LAMA2: variants seen among roughly 807,000 people sequenced by gnomAD.
LAMA2 encodes the protein laminin subunit alpha 2.
Under a neutral mutation model 364.8 loss-of-function variants are expected in LAMA2, and 269 were observed. The observed-to-expected ratio is 0.74, with a 90% CI of 0.67 to 0.82. The LOEUF is 0.82. Ranked by LOEUF, LAMA2 falls within the 40% of genes least tolerant of loss-of-function variation. The pLI, the probability that LAMA2 is intolerant of heterozygous loss-of-function variation, is 0.00. For synonymous variants in LAMA2, 1,379 were observed against 1,370.6 expected (o/e 1.01, Z -0.14); for missense variants, 3,807 against 3,873.2 (o/e 0.98, Z 0.45).
intron 1 of LAMA2, among the ~76,000 whole-genome samples, chr6:128,978,207 G>T (rs1445205540): frequency 6.6e-6 from 1 of 152,166 alleles, no homozygotes; most frequent in African/African-American, 2.4e-5. Context: ...TATTTGTAAT[G>T]AATCATTGAG....
intron 56 of LAMA2, among the ~76,000 whole-genome samples, chr6:129,489,626 A>AGT (rs1203967701): frequency 4.6e-5 from 7 of 152,214 alleles, no homozygotes; most frequent in African/African-American, 1.7e-4. Flanking sequence ...AAGGTCAGGA[A>AGT]GTAGGGTGAG....
At chr6:128,923,185 G>A (rs1185426619) in intron 1 of LAMA2, among the ~76,000 whole-genome samples, 49 of 146,100 alleles carry the variant, frequency 3.4e-4, no homozygotes, top group Admixed American at 1.0e-3. Flanking sequence ...TTGACTTGGC[G>A]ATGCGGGCTC....
chr6:128,994,826 TAATTC>T (rs1783826407), intron 1 of LAMA2, among the ~76,000 whole-genome samples: 1 of 152,110 alleles, frequency 6.6e-6, no homozygotes, highest in African/African-American at 2.4e-5. Flanking sequence ...TAATTAACAT[TAATTC>T]TATTATATTT....
At chr6:129,128,045 T>C (rs1212303976) in intron 4 of LAMA2, among the ~76,000 whole-genome samples, 3 of 152,214 alleles carry the variant, frequency 2.0e-5, no homozygotes, top group Non-Finnish European at 2.9e-5. Flanking sequence ...GCCTATACTT[T>C]GGGGGTCAAA....
rs532865161 is a variant in LAMA2 at position 128,954,601 on chromosome 6, C to A, written c.112+71244C>A. ...TGTTGGCATTTTTACATTATCGATTCCTTGATTCAATTTCTACTCTGTGCT... is the reference window on the plus strand; with the variant it reads ...TGTTGGCATTTTTACATTATCGATTACTTGATTCAATTTCTACTCTGTGCT... On this transcript the variant is annotated intron_variant, in intron 1 of 64. Coordinates refer to ENST00000421865, the MANE Select transcript of LAMA2 (RefSeq NM_000426.4). Among the ~76,000 whole-genome samples the A allele has an allele frequency of 2.0e-5, 3 of 151,942 alleles. No individual in the cohort carries two copies. The South Asian group carries it at 6.2e-4, about 32-fold the overall frequency.
intron 3 of LAMA2, among the ~76,000 whole-genome samples, chr6:129,094,189 T>C (rs1044084080): frequency 6.6e-6 from 1 of 152,238 alleles, no homozygotes; most frequent in African/African-American, 2.4e-5. Flanking sequence ...ATTTATTACA[T>C]TTTTAATAAT....
Position 129,270,658 on chromosome 6 carries a change from A to G in LAMA2, c.2357A>G (p.Asp786Gly). The change falls in exon 17 of 65, where the codon GAT becomes GGT. Residue 786 changes from aspartate (D) to glycine (G), a missense_variant. Physicochemically the swap from Asp to Gly is moderately conservative, Grantham distance 94. This residue lies in a region of LAMA2 where 3,333 missense variants were observed against 3,345.7 expected (regional missense o/e 1.00). Coordinates refer to ENST00000421865, the MANE Select transcript of LAMA2 (RefSeq NM_000426.4). ...GATCACACAGGTGGCCCATATTGTGATAAATGTCTTCCTGGTTTCTATGGC... is the reference window on the plus strand; with the variant it reads ...GATCACACAGGTGGCCCATATTGTGGTAAATGTCTTCCTGGTTTCTATGGC... Reference protein sequence around the residue: ...CKDHTGGPYCDKCLPGFYGEP... With the variant: ...CKDHTGGPYCGKCLPGFYGEP... 3.1e-6 allele frequency: 5 copies of G among 1,613,092 alleles called. No homozygotes were observed. Among genetic ancestry groups the G allele is most frequent in the Non-Finnish European group, 4.2e-6 (5 of 1,179,356 alleles).
chr6:129,405,700 A>G (rs1235613856), intron 40 of LAMA2, among the ~76,000 whole-genome samples: 1 of 152,190 alleles, frequency 6.6e-6, no homozygotes, highest in Non-Finnish European at 1.5e-5. Flanking sequence ...AGAATGAATA[A>G]AATTTTAGTT....
intron 45 of LAMA2, 37 bp downstream of exon 45, chr6:129,445,858 G>A (rs1335497846): frequency 6.4e-7 from 1 of 1,561,216 alleles, no homozygotes; most frequent in Non-Finnish European, 8.8e-7. Flanking sequence ...GTAACTGATT[G>A]TAATTGTTGG....
chr6:129,154,579 A>G lies in LAMA2; in HGVS notation c.1102A>G (p.Ile368Val), dbSNP rs1778995656. ...NVARRNLSLNIRGKYIGGGVC... is the reference protein window; with the variant it reads ...NVARRNLSLNVRGKYIGGGVC... ...TGCCAGAAGAAATCTGAGTTTGAAT[A>G]TACGTGGAAAGTACATTGGAGGGGG... The change falls in exon 8 of 65, where the codon ATA becomes GTA. Residue 368 changes from isoleucine (I) to valine (V), a missense_variant. By Grantham distance (29) the Ile-to-Val change is conservative (BLOSUM62 3). Coordinates refer to ENST00000421865, the MANE Select transcript of LAMA2 (RefSeq NM_000426.4). 6.2e-7 allele frequency: 1 copy of G among 1,613,734 alleles called. No homozygotes were observed. Among genetic ancestry groups the G allele is most frequent in the African/African-American group, 1.3e-5 (1 of 75,052 alleles).
At chr6:129,396,881 T>A (rs1779668873) in intron 37 of LAMA2, among the ~76,000 whole-genome samples, 2 of 149,530 alleles carry the variant, frequency 1.3e-5, no homozygotes, top group African/African-American at 2.5e-5. Flanking sequence ...GAGGCTGAGG[T>A]GGGAGGATTG....
chr6:129,098,050 C>A, intron 3 of LAMA2, 123 bp from the exon 4 acceptor site: 1 of 1,120,750 alleles, frequency 8.9e-7, no homozygotes, highest in Non-Finnish European at 1.3e-6. Flanking sequence ...TTTCAGAGAA[C>A]ATTATAAGAT....
intron 1 of LAMA2, among the ~76,000 whole-genome samples, chr6:129,041,687 A>G (rs1466365090): frequency 3.3e-5 from 5 of 152,154 alleles, no homozygotes; most frequent in African/African-American, 1.2e-4. Flanking sequence ...CATACAGTGA[A>G]CACTATGTAC....
Position 129,291,526 on chromosome 6 carries a change from G to A in LAMA2, c.2750-88G>A, listed in dbSNP as rs1789701081. 5 of 915,652 alleles carry A rather than the reference G, an allele frequency of 5.5e-6. No individual in the cohort carries two copies. In the Admixed American group the frequency reaches 7.8e-5, roughly 14 times the overall value. 56.7% of individuals were successfully genotyped at this position (915,652 alleles called of 1,614,324 possible). On this transcript the variant is annotated intron_variant, in intron 19 of 64. Coordinates refer to ENST00000421865, the MANE Select transcript of LAMA2 (RefSeq NM_000426.4). ...TCTGTTACTGAACTTAGGCGTCCAT[G>A]TTACCATGTGGGGTATATTATTATT... is the stretch of plus-strand genomic sequence containing the variant.
At chr6:129,271,294 T>TA (rs1245558756) in intron 17 of LAMA2, among the ~76,000 whole-genome samples, 1 of 151,928 alleles carries the variant, frequency 6.6e-6, no homozygotes, top group Non-Finnish European at 1.5e-5. Context: ...AGAGCAGATT[T>TA]AAAAAAACAA....
intron 62 of LAMA2, 80 bp downstream of exon 62, chr6:129,507,722 G>C (rs1786219030): frequency 7.2e-7 from 1 of 1,395,196 alleles, no homozygotes; most frequent in Non-Finnish European, 1.0e-6. Context: ...AATAATAAAA[G>C]TTCCTAGAGT....
intron 16 of LAMA2, 73 bp from the exon 17 acceptor site, chr6:129,270,551 G>C: frequency 6.6e-7 from 1 of 1,511,336 alleles, no homozygotes; most frequent in East Asian, 2.3e-5. Context: ...TAATGACTTC[G>C]TAGACCTATT....
intron 10 of LAMA2, among the ~76,000 whole-genome samples, chr6:129,185,723 C>T (rs572141469): frequency 1.3e-5 from 2 of 151,732 alleles, no homozygotes; most frequent in East Asian, 3.9e-4. Context: ...ATTGAAAACA[C>T]TAGTCTAAAG....
chr6:129,099,128 T>G (rs1379116555), intron 4 of LAMA2, among the ~76,000 whole-genome samples: 2 of 148,878 alleles, frequency 1.3e-5, no homozygotes, highest in African/African-American at 2.5e-5. Flanking sequence ...TTTTTTTGTT[T>G]TTTTTTTTTT....
Sources: allele counts gnomAD v4.1 joint callset (sites outside exome capture counted in the v4.1 genomes callset), GRCh38; gene constraint gnomAD v4.1.1; regional missense constraint gnomAD v4.1.1; transcripts MANE v1.5; gene names NCBI Gene and HGNC (gene_info 2026-07-23, HGNC 2026-07-21).